NUS1: variants seen among roughly 807,000 people sequenced by gnomAD.
The protein encoded by NUS1 is dehydrodolichyl diphosphate synthase complex subunit NUS1.
For synonymous variants in NUS1, 135 were observed against 155.2 expected (o/e 0.87, Z 0.97); for missense variants, 292 against 382.9 (o/e 0.76, Z 1.98).
intron 3 of NUS1, among the ~76,000 whole-genome samples, chr6:117,700,382 T>C (rs1186567332): frequency 6.6e-6 from 1 of 152,236 alleles, no homozygotes; most frequent in Non-Finnish European, 1.5e-5. Flanking sequence ...AATAGGTATA[T>C]GCAAAGATGC....
intron 1 of NUS1, among the ~76,000 whole-genome samples, chr6:117,691,900 C>A (rs1355138177): frequency 6.6e-6 from 1 of 151,636 alleles, no homozygotes; most frequent in Non-Finnish European, 1.5e-5. Flanking sequence ...ATGTCAACAT[C>A]TTTAATCATC....
chr6:117,676,434 C>T (rs375023731), intron 1 of NUS1, among the ~76,000 whole-genome samples: 1 of 152,062 alleles, frequency 6.6e-6, no homozygotes, highest in African/African-American at 2.4e-5. Flanking sequence ...CAAGTTTAGT[C>T]GGGCGTGGTG....
At chr6:117,679,707 C>G (rs1773033487) in intron 1 of NUS1, among the ~76,000 whole-genome samples, 1 of 152,170 alleles carries the variant, frequency 6.6e-6, no homozygotes. Context: ...AACCAGTTAA[C>G]TAACTTCCCC....
chr6:117,677,244 T>C (rs929283732), intron 1 of NUS1, among the ~76,000 whole-genome samples: 16 of 152,184 alleles, frequency 1.1e-4, no homozygotes, highest in Admixed American at 7.9e-4. Context: ...TTTGACATGG[T>C]TAATAACAAG....
chr6:117,693,276 C>A, intron 2 of NUS1, 109 bp downstream of exon 2: 1 of 1,131,400 alleles, frequency 8.8e-7, no homozygotes, highest in Non-Finnish European at 1.3e-6. Context: ...CTCTGTTACT[C>A]TTTATTGTCA....
chr6:117,698,906 A>C (rs1773358929), intron 3 of NUS1, among the ~76,000 whole-genome samples: 2 of 152,140 alleles, frequency 1.3e-5, no homozygotes, highest in African/African-American at 4.8e-5. Flanking sequence ...AAAGATAAAA[A>C]TCATGATCAT....
At chr6:117,699,001 G>A (rs1372552909) in intron 3 of NUS1, among the ~76,000 whole-genome samples, 1 of 151,974 alleles carries the variant, frequency 6.6e-6, no homozygotes, top group Non-Finnish European at 1.5e-5. Context: ...GAAGGAACAC[G>A]CTACAACATA....
At chr6:117,702,090 C>T (rs1190333153) in intron 3 of NUS1, among the ~76,000 whole-genome samples, 1 of 152,130 alleles carries the variant, frequency 6.6e-6, no homozygotes, top group Non-Finnish European at 1.5e-5. Context: ...TGTTATTTCC[C>T]AGTCGGCCAT....
chr6:117,701,249 T>C (rs1357032506), intron 3 of NUS1, among the ~76,000 whole-genome samples: 1 of 148,252 alleles, frequency 6.7e-6, no homozygotes, highest in Non-Finnish European at 1.5e-5. Flanking sequence ...AATTTTCTTT[T>C]TTTTTTTTTT....
chr6:117,675,568 G>A lies in NUS1; in HGVS notation c.-103G>A, dbSNP rs1377658486. On this transcript the variant is annotated 5_prime_UTR_variant, in exon 1 of 5. Transcript: ENST00000368494. ...AGGGGTTCGGGCTCGGGGGGCGGGGGGACGCGGAGCGATGGCCCGCGCCGG... is the reference window on the plus strand; with the variant it reads ...AGGGGTTCGGGCTCGGGGGGCGGGGAGACGCGGAGCGATGGCCCGCGCCGG... 1 of 1,214,454 alleles carries A rather than the reference G, an allele frequency of 8.2e-7. No individual in the cohort carries two copies. Among genetic ancestry groups the A allele is most frequent in the Non-Finnish European group, 1.1e-6 (1 of 873,338 alleles). 75.2% of individuals were successfully genotyped at this position (1,214,454 alleles called of 1,614,324 possible). A position where few individuals can be genotyped will look rare whatever the true frequency, so the allele number is the denominator to read the frequency against.
At chr6:117,691,548 C>CAGAG (rs1773217670) in intron 1 of NUS1, among the ~76,000 whole-genome samples, 1 of 57,140 alleles carries the variant, frequency 1.8e-5, no homozygotes, top group African/African-American at 5.7e-5. Flanking sequence ...GGTTCTGTGC[C>CAGAG]ATAGATATAG....
intron 1 of NUS1, among the ~76,000 whole-genome samples, chr6:117,681,418 C>T (rs1220442712): frequency 6.6e-6 from 1 of 152,144 alleles, no homozygotes; most frequent in Non-Finnish European, 1.5e-5. Flanking sequence ...GGCCGCATTT[C>T]CTGTAGATAA....
chr6:117,685,650 GCCC>G, intron 1 of NUS1, among the ~76,000 whole-genome samples: 1 of 152,052 alleles, frequency 6.6e-6, no homozygotes. Flanking sequence ...ACCATGCCCA[GCCC>G]ATTTAACTTT....
intron 3 of NUS1, among the ~76,000 whole-genome samples, chr6:117,697,070 C>G (rs535561325): frequency 6.6e-6 from 1 of 151,906 alleles, no homozygotes; most frequent in African/African-American, 2.4e-5. Context: ...TTTGTTTATG[C>G]AAGCAGTGTG....
chr6:117,687,108 T>C (rs961564643), intron 1 of NUS1, among the ~76,000 whole-genome samples: 2 of 152,210 alleles, frequency 1.3e-5, no homozygotes, highest in African/African-American at 4.8e-5. Flanking sequence ...TTCCAATAAC[T>C]GTATGAAAGT....
At position 117,689,374 on chromosome 6, in the gene NUS1, C is replaced by T. The variant is rs189547558; in HGVS notation, c.416-3668C>T. 5.5e-3 allele frequency among the ~76,000 whole-genome samples: 836 copies of T among 152,114 alleles called. 10 individuals carry two copies. Among genetic ancestry groups the T allele is most frequent in the African/African-American group, 0.019 (783 of 41,500 alleles). On this transcript the variant is annotated intron_variant, in intron 1 of 4. Transcript: ENST00000368494. ...AAGGCTAGGTTTTTAAAAAGAGTATCAAAGGAGGGGATTGGTGTGATGTGA... is the reference window on the plus strand; with the variant it reads ...AAGGCTAGGTTTTTAAAAAGAGTATTAAAGGAGGGGATTGGTGTGATGTGA...
chr6:117,688,673 G>A (rs145007947), intron 1 of NUS1, among the ~76,000 whole-genome samples: 145 of 152,220 alleles, frequency 9.5e-4, no homozygotes, highest in African/African-American at 3.3e-3. Context: ...TAGATAAGCC[G>A]CCAAGGTTTG....
At chr6:117,697,447 T>A (rs1283664748) in intron 3 of NUS1, among the ~76,000 whole-genome samples, 3 of 151,614 alleles carry the variant, frequency 2.0e-5, no homozygotes, top group African/African-American at 4.8e-5. Context: ...AGACTGAAAA[T>A]AAAGGGATGG....
At position 117,676,105 on chromosome 6, in the gene NUS1, T is replaced by G. The variant is rs918270082; in HGVS notation, c.415+20T>G. ...ACCAAGGTGAGGCCCGGTGCGGTGG[T>G]GGGGGGTGGCCGAGGCGTCTTGGAC... On this transcript the variant is annotated intron_variant, in intron 1 of 4. Transcript: ENST00000368494. 1 of 1,549,964 alleles carries G rather than the reference T, an allele frequency of 6.5e-7. No individual in the cohort carries two copies. Among genetic ancestry groups the G allele is most frequent in the Admixed American group, 2.0e-5 (1 of 50,992 alleles).
Sources: gnomAD v4.1 joint callset for allele counts (sites outside exome capture counted in the v4.1 genomes callset) on GRCh38, gnomAD v4.1.1 for gene constraint, MANE v1.5 for transcripts, NCBI Gene and HGNC (gene_info 2026-07-23, HGNC 2026-07-21) for gene names.